Variants in POLR2E observed in about 807,000 individuals in gnomAD.
POLR2E encodes RNA polymerase II, I and III subunit E, also known as DNA-directed RNA polymerases I, II, and III subunit RPABC1.
Under a neutral mutation model 29.8 loss-of-function variants are expected in POLR2E, and 35 were observed. The observed-to-expected ratio is 1.17, with a 90% CI of 0.90 to 1.55. The LOEUF is 1.55. Among genes scored for constraint, POLR2E ranks in the 40% most tolerant of loss-of-function variants. POLR2E has a pLI of 0.00. For synonymous variants in POLR2E, 174 were observed against 112.6 expected (o/e 1.55, Z -3.45); for missense variants, 287 against 288.6 (o/e 0.99, Z 0.04).
intron 3 of POLR2E, chr19:1,091,500 AATCTGCACCAG>A: frequency 2.2e-6 from 1 of 463,046 alleles, no homozygotes; most frequent in South Asian, 2.4e-5. Context: ...CGGCTCCTGG[AATCTGCACCAG>A]GCCGAGGGCT....
intron 1 of POLR2E, 197 bp downstream of exon 1, chr19:1,095,062 C>A: frequency 2.1e-6 from 1 of 479,734 alleles, no homozygotes; most frequent in Non-Finnish European, 3.7e-6. Flanking sequence ...CGTCTCGAAA[C>A]CCCCTCCCTT....
chr19:1,095,158 G>T, intron 1 of POLR2E, 101 bp downstream of exon 1: 1 of 1,278,720 alleles, frequency 7.8e-7, no homozygotes, highest in Non-Finnish European at 1.1e-6. Context: ...CTTCATCGCT[G>T]CTGCTCCGAC....
In POLR2E at chr19:1,089,559, G is replaced by A. The variant is rs1198139250; in HGVS notation, c.568-8C>T. ...CCGGATGATCTTCACCACCTGCAGA[G>A]ACAGAGAGCAGGGGCTGCGAATGCT... is the stretch of plus-strand genomic sequence containing the variant. On this transcript the variant is annotated splice_polypyrimidine_tract_variant and splice_region_variant and intron_variant, in intron 6 of 7. Coordinates refer to ENST00000615234, the MANE Select transcript of POLR2E (RefSeq NM_002695.5). The A allele has an allele frequency of 1.2e-6, 2 of 1,612,614 alleles. No individual in the cohort carries two copies. The highest frequency in any genetic ancestry group is 2.2e-5 in the East Asian group (1 of 44,882).
In POLR2E at chr19:1,087,519, CTCCCCAGCCCTGGGAACCCCCA is replaced by C. The variant is rs2043725288; in HGVS notation, c.*1194_*1215del. The C allele has an allele frequency of 6.6e-6, 1 of 152,270 alleles. No homozygotes were observed. Among genetic ancestry groups the C allele is most frequent in the African/African-American group, 2.4e-5 (1 of 41,426 alleles). 9.4% of individuals were successfully genotyped at this position (152,270 alleles called of 1,614,324 possible). ...CATGACACACTCTGTCCCCTCCCTC[CTCCCCAGCCCTGGGAACCCCCA>C]TCCCCACCCAACTCCCCAGTCCCGG... On this transcript the variant is annotated 3_prime_UTR_variant, in exon 8 of 8. Transcript: ENST00000615234.
chr19:1,093,499 C>T (rs2043881048), intron 2 of POLR2E, among the ~76,000 whole-genome samples: 2 of 145,260 alleles, frequency 1.4e-5, no homozygotes, highest in South Asian at 2.5e-4. Flanking sequence ...TGGGCTGGGG[C>T]GGGCAGGGGC....
chr19:1,086,824 TGTGCAGACG>T lies in POLR2E; in HGVS notation c.*1902_*1910del, dbSNP rs1203087722. The T allele has an allele frequency of 6.6e-6, 1 of 152,114 alleles. No homozygotes were observed. The highest frequency in any genetic ancestry group is 6.5e-5 in the Admixed American group (1 of 15,278). 9.4% of individuals were successfully genotyped at this position (152,114 alleles called of 1,614,324 possible). A position where few individuals can be genotyped will look rare whatever the true frequency, so the allele number is the denominator to read the frequency against. ...AGCCCGGGTGGTCTTCACCACAGGC[TGTGCAGACG>T]GTCAGGCATCGAATGACCTCGTCAC... On this transcript the variant is annotated 3_prime_UTR_variant, in exon 8 of 8. Coordinates refer to ENST00000615234, the MANE Select transcript of POLR2E (RefSeq NM_002695.5).
At chr19:1,095,166 G>T in intron 1 of POLR2E, 93 bp downstream of exon 1, 4 of 1,334,428 alleles carry the variant, frequency 3.0e-6, no homozygotes, top group South Asian at 2.4e-5. Context: ...CTGCTGCTCC[G>T]ACGAGAGTAC....
At position 1,089,725 on chromosome 19, in the gene POLR2E, T is replaced by C. The variant is rs1422888515; in HGVS notation, c.567+159A>G. 1.9e-5 allele frequency: 15 copies of C among 785,056 alleles called. No homozygotes were observed. The Admixed American group carries it at 2.0e-4, about 11-fold the overall frequency. 48.6% of individuals were successfully genotyped at this position (785,056 alleles called of 1,614,324 possible). ...GGGTCACGCTCTTCTCTGGGCCCAG[T>C]GGCCCTGGCTTTAAGAGGGGGATAT... is the stretch of plus-strand genomic sequence containing the variant. On this transcript the variant is annotated intron_variant, in intron 6 of 7. Transcript: ENST00000615234.
In POLR2E at chr19:1,089,665, G is replaced by A. The variant is rs893912602; in HGVS notation, c.568-114C>T. 11 of 936,150 alleles carry A rather than the reference G, an allele frequency of 1.2e-5. No individual in the cohort carries two copies. The East Asian group carries it at 1.8e-4, about 15-fold the overall frequency. 58.0% of individuals were successfully genotyped at this position (936,150 alleles called of 1,614,324 possible). A position where few individuals can be genotyped will look rare whatever the true frequency, so the allele number is the denominator to read the frequency against. ...TGGCCGGCAGGGGTCCGAGATGGCTGACCCTGGGCTGTGGGACCCGCTCCC... is the reference window on the plus strand; with the variant it reads ...TGGCCGGCAGGGGTCCGAGATGGCTAACCCTGGGCTGTGGGACCCGCTCCC... On this transcript the variant is annotated intron_variant, in intron 6 of 7. Coordinates refer to ENST00000615234, the MANE Select transcript of POLR2E (RefSeq NM_002695.5).
intron 2 of POLR2E, among the ~76,000 whole-genome samples, chr19:1,093,195 AAAC>A (rs1457331993): frequency 3.3e-5 from 5 of 152,082 alleles, no homozygotes; most frequent in Non-Finnish European, 7.4e-5. Flanking sequence ...CAAAAAACAA[AAAC>A]AAAAAAAAAA....
intron 5 of POLR2E, 59 bp from the exon 6 acceptor site, chr19:1,090,021 T>G (rs1255690597): frequency 9.6e-6 from 13 of 1,358,256 alleles, no homozygotes; most frequent in South Asian, 3.5e-5. Context: ...GGGGTGTGTG[T>G]GGGGGGGGAA....
intron 2 of POLR2E, among the ~76,000 whole-genome samples, chr19:1,093,401 G>C (rs2043878326): frequency 6.6e-6 from 1 of 152,152 alleles, no homozygotes; most frequent in Admixed American, 6.5e-5. Context: ...GAGGGTCCCA[G>C]GGGTCCTGGG....
chr19:1,089,834 A>G, intron 6 of POLR2E, 50 bp downstream of exon 6: 1 of 1,429,810 alleles, frequency 7.0e-7, no homozygotes, highest in Non-Finnish European at 9.8e-7. Context: ...CCCTTCTCCG[A>G]GTGGTCAGCT....
rs2043696428 is a variant in POLR2E at position 1,086,992 on chromosome 19, CAT to C, written c.*1741_*1742del. 3.7e-5 allele frequency: 4 copies of C among 107,442 alleles called. No homozygotes were observed. The highest frequency in any genetic ancestry group is 1.7e-4 in the African/African-American group (4 of 24,222). 6.7% of individuals were successfully genotyped at this position (107,442 alleles called of 1,614,324 possible). A position where few individuals can be genotyped will look rare whatever the true frequency, so the allele number is the denominator to read the frequency against. On this transcript the variant is annotated 3_prime_UTR_variant, in exon 8 of 8. Coordinates refer to ENST00000615234, the MANE Select transcript of POLR2E (RefSeq NM_002695.5). Reference sequence around the variant, plus strand: ...CGTGGCCCATGCGCCTGTGGAACTGCATTTTTTTTTTTTTTTGAGACAGGGTG... The same window carrying C: ...CGTGGCCCATGCGCCTGTGGAACTGCTTTTTTTTTTTTTTGAGACAGGGTG...
chr19:1,093,498 G>A (rs2043881009), intron 2 of POLR2E, among the ~76,000 whole-genome samples: 1 of 152,132 alleles, frequency 6.6e-6, no homozygotes, highest in South Asian at 2.1e-4. Context: ...ATGGGCTGGG[G>A]CGGGCAGGGG....
intron 1 of POLR2E, 149 bp from the exon 2 acceptor site, chr19:1,094,227 C>A: frequency 1.5e-6 from 1 of 661,194 alleles, no homozygotes; most frequent in Non-Finnish European, 2.5e-6. Flanking sequence ...ATGACAGCCA[C>A]CCCGGCCCCC....
In POLR2E at chr19:1,089,480, C is replaced by T. The variant is rs749728293; in HGVS notation, c.*6G>A. On this transcript the variant is annotated 3_prime_UTR_variant, in exon 7 of 8. Coordinates refer to ENST00000615234, the MANE Select transcript of POLR2E (RefSeq NM_002695.5). ...TCCCTCGGCCGTCTCACCTGTCAGG[C>T]GGTAGCTACTGCACCAGCCGGTAGG... is the stretch of plus-strand genomic sequence containing the variant. 5.6e-6 allele frequency: 9 copies of T among 1,611,148 alleles called. No homozygotes were observed. Among genetic ancestry groups the T allele is most frequent in the South Asian group, 5.5e-5 (5 of 90,984 alleles).
chr19:1,094,478 G>A (rs942260193), intron 1 of POLR2E: 4 of 196,348 alleles, frequency 2.0e-5, no homozygotes, highest in Admixed American at 6.1e-5. Context: ...CCAGTTCAAG[G>A]ATGCAGTGAG....
intron 4 of POLR2E, among the ~76,000 whole-genome samples, chr19:1,090,620 G>A (rs1344903770): frequency 2.0e-5 from 3 of 151,844 alleles, no homozygotes; most frequent in Non-Finnish European, 2.9e-5. Flanking sequence ...GGGTTTCACC[G>A]TGTTAGCCAG....
Sources: allele counts gnomAD v4.1 joint callset (sites outside exome capture counted in the v4.1 genomes callset), GRCh38; gene constraint gnomAD v4.1.1; transcripts MANE v1.5; gene names NCBI Gene and HGNC (gene_info 2026-07-23, HGNC 2026-07-21).